The following FBXL3 variants were observed in gnomAD, a reference collection of about 807,000 sequenced individuals.
FBXL3 encodes F-box/LRR-repeat protein 3.
Under a neutral mutation model 37.9 loss-of-function variants are expected in FBXL3, and 14 were observed. The observed-to-expected ratio is 0.37, with a 90% CI of 0.24 to 0.58. The LOEUF (loss-of-function observed/expected upper bound fraction) is 0.58. FBXL3 is among the 20% of genes least tolerant of loss of function. The pLI, the probability that FBXL3 is intolerant of heterozygous loss-of-function variation, is 0.74. For synonymous variants in FBXL3, 194 were observed against 180.1 expected, an observed-to-expected ratio of 1.08 and a Z score of -0.62; for missense variants, 327 against 511.1, an observed-to-expected ratio of 0.64 and a Z score of 3.47.
At chr13:77,020,410 T>C (rs2154037609) in intron 2 of FBXL3, among the ~76,000 whole-genome samples, 1 of 152,260 alleles carries the variant, frequency 6.6e-6, no homozygotes, top group East Asian at 1.9e-4. Flanking sequence ...CCACCACCAA[T>C]TCTCTCCTCC....
Position 77,005,323 on chromosome 13 carries a change from C to T in FBXL3, c.*1822G>A, listed in dbSNP as rs966473127. 1.3e-5 allele frequency: 2 copies of T among 152,482 alleles called. No individual in the cohort carries two copies. Among genetic ancestry groups the T allele is most frequent in the South Asian group, 2.1e-4 (1 of 4,832 alleles). The allele number at this position is 152,482 out of a possible 1,614,324, so 9.4% of individuals were successfully genotyped here. On this transcript the variant is annotated 3_prime_UTR_variant, in exon 5 of 5. Coordinates refer to ENST00000355619, the MANE Select transcript of FBXL3 (RefSeq NM_012158.4). The stretch of plus-strand genomic sequence containing the variant: ...TTTAACATATACTTTACAGTATAAA[C>T]AAATTAAGTACTATGCATTTTGCTT...
In FBXL3 at chr13:77,018,665, T is replaced by G. The variant is rs2034687449; in HGVS notation, c.406A>C (p.Asn136His). The stretch of plus-strand genomic sequence containing the variant: ...AGTCCAAGTGTTTTTAAAGAGCAAT[T>G]CACAAGTTGCGATAGTATATCACAA... ...AACDILSQLV[N>H]CSLKTLGLIS... Residue 136 changes from asparagine to histidine, a missense_variant, in exon 3 of 5, where the codon AAT becomes CAT. Asn to His is a moderately conservative substitution (Grantham distance 68). Coordinates refer to ENST00000355619, the MANE Select transcript of FBXL3 (RefSeq NM_012158.4). 6.3e-7 allele frequency: 1 copy of G among 1,596,148 alleles called. No individual in the cohort carries two copies.
rs1447000518 is a variant in FBXL3, at chr13:77,005,800, G to T, written c.*1345C>A. 6.6e-6 allele frequency: 1 copy of T among 151,940 alleles called. No homozygotes were observed. The highest frequency in any genetic ancestry group is 1.5e-5 in the Non-Finnish European group (1 of 67,934). 9.4% of individuals were successfully genotyped at this position (151,940 alleles called of 1,614,324 possible). The stretch of plus-strand genomic sequence containing the variant: ...TTTAAGAATTAATGTATTCCACCGG[G>T]GTTAAATCATTTCTGATTTCCCTCA... On this transcript the variant is annotated 3_prime_UTR_variant, in exon 5 of 5. Coordinates refer to ENST00000355619, the MANE Select transcript of FBXL3 (RefSeq NM_012158.4).
At position 77,007,620 on chromosome 13, in the gene FBXL3, G is replaced by A. The variant is rs2034474702; in HGVS notation, c.812C>T (p.Thr271Ile). Residue 271 changes from threonine (T) to isoleucine (I), a missense_variant, in exon 5 of 5, where the codon ACT becomes ATT. By Grantham distance (89) the Thr-to-Ile change is moderately conservative. Coordinates refer to ENST00000355619, the MANE Select transcript of FBXL3 (RefSeq NM_012158.4). ...AGCATCCCAGCTACTCTTCTGAATA[G>A]TATGGAAGTGTGTCTGTCCAGGATT... ...SENPGQTHFH[T>I]IQKSSWDAFI... is the part of the protein sequence containing the mutation. The A allele has an allele frequency of 6.2e-7, 1 of 1,614,060 alleles. No homozygotes were observed. Among genetic ancestry groups the A allele is most frequent in the Admixed American group, 1.7e-5 (1 of 60,006 alleles).
intron 3 of FBXL3, chr13:77,017,588 A>G (rs1249038751): frequency 2.0e-5 from 3 of 152,196 alleles, no homozygotes; most frequent in Admixed American, 2.0e-4. Flanking sequence ...ATTTTTACAC[A>G]TTAAGTCGGA....
chr13:77,013,100 C>G (rs1399668403), intron 4 of FBXL3: 1 of 152,138 alleles, frequency 6.6e-6, no homozygotes, highest in East Asian at 1.9e-4. Context: ...TTTCTCTTCC[C>G]TTCCCTTCCT....
At chr13:77,015,130 G>T in intron 4 of FBXL3, 1 of 216,556 alleles carries the variant, frequency 4.6e-6, no homozygotes, top group Non-Finnish European at 9.0e-6. Flanking sequence ...GAGCACCTCA[G>T]GCTGACCTCA....
chr13:77,018,469 T>A, intron 3 of FBXL3, 131 bp downstream of exon 3: 1 of 518,628 alleles, frequency 1.9e-6, no homozygotes, highest in Non-Finnish European at 3.0e-6. Flanking sequence ...ATTTTCATCC[T>A]AAATAGTAAC....
rs1191233744 is a variant in FBXL3, at chr13:77,007,255, T to C, written c.1177A>G (p.Met393Val). ...TGGTCAGGAATTAGTACTTCTTCCA[T>C]AATGGATAATTGAGATAGGCGGCCA... ...CGGRLSQLSIMEEVLIPDQKY... is the reference protein window; with the variant it reads ...CGGRLSQLSIVEEVLIPDQKY... Residue 393 changes from methionine to valine, a missense_variant, in exon 5 of 5, where the codon ATG (methionine) becomes GTG (valine). Physicochemically the swap from Met to Val is conservative, Grantham distance 21. Transcript: ENST00000355619. 1 of 1,614,140 alleles carries C rather than the reference T, an allele frequency of 6.2e-7. No homozygotes were observed. The highest frequency in any genetic ancestry group is 8.5e-7 in the Non-Finnish European group (1 of 1,180,034).
chr13:77,021,213 T>C (rs921529366), intron 2 of FBXL3, among the ~76,000 whole-genome samples: 2 of 152,228 alleles, frequency 1.3e-5, no homozygotes, highest in African/African-American at 2.4e-5. Context: ...TTTTATTAGA[T>C]ATTTCTTCTT....
intron 2 of FBXL3, among the ~76,000 whole-genome samples, chr13:77,020,483 G>C (rs899927154): frequency 6.6e-6 from 1 of 152,110 alleles, no homozygotes; most frequent in Admixed American, 6.5e-5. Flanking sequence ...TACATTCTTC[G>C]AGGGAAGACA....
intron 3 of FBXL3, chr13:77,018,268 C>T (rs1038676816): frequency 1.8e-5 from 3 of 162,428 alleles, no homozygotes; most frequent in African/African-American, 7.2e-5. Context: ...TCTAACTTCA[C>T]CAACCTGCTC....
chr13:77,012,069 A>G (rs2034564683), intron 4 of FBXL3, among the ~76,000 whole-genome samples: 1 of 152,220 alleles, frequency 6.6e-6, no homozygotes, highest in South Asian at 2.1e-4. Flanking sequence ...GAGACAGAAA[A>G]TAGATTAGTG....
At chr13:77,014,682 G>A (rs1038509255) in intron 4 of FBXL3, 1 of 152,196 alleles carries the variant, frequency 6.6e-6, no homozygotes, top group African/African-American at 2.4e-5. Flanking sequence ...ATACCTTAAA[G>A]AACAGGTTTC....
chr13:77,021,355 A>ATAAT (rs10658413), intron 2 of FBXL3, among the ~76,000 whole-genome samples, 158 bp downstream of exon 2: 7,987 of 152,280 alleles, frequency 0.052, 358 homozygotes, highest in East Asian at 0.19. Context: ...ATCAAATATA[A>ATAAT]TATTTTGTGA....
At position 77,027,087 on chromosome 13, in the gene FBXL3, C is replaced by G. The variant is rs2034858589; in HGVS notation, c.-262G>C. 6.6e-6 allele frequency: 1 copy of G among 152,040 alleles called. No homozygotes were observed. The highest frequency in any genetic ancestry group is 2.1e-4 in the South Asian group (1 of 4,838). 9.4% of individuals were successfully genotyped at this position (152,040 alleles called of 1,614,324 possible). On this transcript the variant is annotated 5_prime_UTR_variant, in exon 1 of 5. Coordinates refer to ENST00000355619, the MANE Select transcript of FBXL3 (RefSeq NM_012158.4). Reference sequence around the variant, plus strand: ...TGTCTGTGTTCAGGGATCCCCGGCGCCGCGAGAGACTACCTCAGCGAGCGG... The same window carrying G: ...TGTCTGTGTTCAGGGATCCCCGGCGGCGCGAGAGACTACCTCAGCGAGCGG...
At chr13:77,014,760 A>T (rs1219275878) in intron 4 of FBXL3, 1 of 152,242 alleles carries the variant, frequency 6.6e-6, no homozygotes, top group Non-Finnish European at 1.5e-5. Context: ...TAAACAGCAG[A>T]CAGTAGTATA....
intron 3 of FBXL3, 70 bp from the exon 4 acceptor site, chr13:77,015,650 T>G: frequency 4.9e-6 from 5 of 1,016,844 alleles, no homozygotes. Flanking sequence ...GGTTTCCTAG[T>G]ACTACAGTTT....
chr13:77,014,027 T>A (rs2034600849), intron 4 of FBXL3: 1 of 152,232 alleles, frequency 6.6e-6, no homozygotes, highest in Admixed American at 6.5e-5. Context: ...TTCACAGTGT[T>A]CTGGAAATAC....
Sources: gnomAD v4.1 joint callset for allele counts (sites outside exome capture counted in the v4.1 genomes callset) on GRCh38, gnomAD v4.1.1 for gene constraint, MANE v1.5 for transcripts, NCBI Gene and HGNC (gene_info 2026-07-23, HGNC 2026-07-21) for gene names.